The following MYOC variants were observed in gnomAD, a reference collection of about 807,000 sequenced individuals.
MYOC encodes the protein myocilin.
MYOC carries 29 observed loss-of-function variants against 28.2 expected under a neutral mutation model. The observed-to-expected ratio is 1.03, with a 90% CI of 0.77 to 1.40. The LOEUF is 1.40. Ranked by LOEUF, MYOC falls within the 40% of genes most tolerant of loss-of-function variation. The pLI is 0.00. For synonymous variants in MYOC, 240 were observed against 245.6 expected, an observed-to-expected ratio of 0.98 and a Z score of 0.21; for missense variants, 569 against 620.6, an observed-to-expected ratio of 0.92 and a Z score of 0.88.
rs199746824 is a variant in MYOC, at chr1:171,652,139, C to G, written c.473G>C (p.Arg158Pro). 1 of 1,614,152 alleles carries G rather than the reference C, an allele frequency of 6.2e-7. No homozygotes were observed. Among genetic ancestry groups the G allele is most frequent in the Admixed American group, 1.7e-5 (1 of 60,020 alleles). The change falls in exon 1 of 3, where the codon CGA (arginine) becomes CCA (proline). Residue 158 changes from arginine (R) to proline (P), a missense_variant. Transcript: ENST00000037502. ...DKSVLEEEKK[R>P]LRQENENLAR... ...CAGATTCTCATTTTCTTGCCTTAGT[C>G]GCTTCTTCTCTTCCTCCAGAACTGA...
At chr1:171,642,433 C>T (rs989235238) in intron 1 of MYOC, among the ~76,000 whole-genome samples, 1 of 151,914 alleles carries the variant, frequency 6.6e-6, no homozygotes, top group East Asian at 1.9e-4. Context: ...GGCAACATAG[C>T]GAGACCCCAT....
In MYOC at chr1:171,652,435, G is replaced by A; in HGVS notation, c.177C>T (p.Ser59=). 1.2e-6 allele frequency: 2 copies of A among 1,614,196 alleles called. No homozygotes were observed. The highest frequency in any genetic ancestry group is 1.7e-6 in the Non-Finnish European group (2 of 1,180,042). ...YTFSVASPNE[S]SCPEQSQAMS... Reference sequence around the variant, plus strand: ...TGGCCTGGCTCTGCTCTGGGCAGCTGGATTCATTGGGACTGGCCACACTGA... The same window carrying A: ...TGGCCTGGCTCTGCTCTGGGCAGCTAGATTCATTGGGACTGGCCACACTGA... The change falls in exon 1 of 3, where the codon TCC becomes TCT. Residue 59 remains serine (S), a synonymous_variant. Coordinates refer to ENST00000037502, the MANE Select transcript of MYOC (RefSeq NM_000261.2).
chr1:171,650,617 G>A (rs1336368269), intron 1 of MYOC, among the ~76,000 whole-genome samples: 2 of 152,228 alleles, frequency 1.3e-5, no homozygotes, highest in Admixed American at 6.5e-5. Context: ...TGGCTCTTAG[G>A]TTTTCTAACC....
intron 1 of MYOC, among the ~76,000 whole-genome samples, chr1:171,641,997 G>A (rs1212304233): frequency 6.6e-6 from 1 of 152,198 alleles, no homozygotes; most frequent in Middle Eastern, 3.2e-3. Flanking sequence ...CCAGAGTCAG[G>A]GTACCTTGTT....
At chr1:171,651,348 C>A (rs2901558) in intron 1 of MYOC, among the ~76,000 whole-genome samples, 93,024 of 146,056 alleles carry the variant, frequency 0.64, 31,307 homozygotes, top group African/African-American at 0.85. Flanking sequence ...CCCGCACCCC[C>A]CCCACACACA....
chr1:171,635,964 C>G lies in MYOC; in HGVS notation c.1476G>C (p.Leu492Phe). Residue 492 changes from leucine to phenylalanine, a missense_variant, in exon 3 of 3, where the codon TTG (leucine) becomes TTC (phenylalanine). Coordinates refer to ENST00000037502, the MANE Select transcript of MYOC (RefSeq NM_000261.2). The stretch of plus-strand genomic sequence containing the variant: ...GCTTGATGTCATAAGTGACCATGTT[C>G]AAGTTGTCCCAGGCAAAGAGCTTCT... ...LEKKLFAWDN[L>F]NMVTYDIKLS... 1 of 1,614,158 alleles carries G rather than the reference C, an allele frequency of 6.2e-7. No homozygotes were observed. Among genetic ancestry groups the G allele is most frequent in the Non-Finnish European group, 8.5e-7 (1 of 1,180,024 alleles).
intron 1 of MYOC, among the ~76,000 whole-genome samples, chr1:171,642,281 A>G (rs1178538414): frequency 1.3e-5 from 2 of 152,150 alleles, no homozygotes; most frequent in Non-Finnish European, 2.9e-5. Flanking sequence ...CATCCCTGGG[A>G]TATCCCTCAG....
chr1:171,638,352 C>A (rs1438584559), intron 2 of MYOC, among the ~76,000 whole-genome samples: 3 of 152,114 alleles, frequency 2.0e-5, no homozygotes, highest in African/African-American at 7.2e-5. Context: ...CCAGCCCAGC[C>A]TCCCAAGTGT....
rs1225978246 is a variant in MYOC at position 171,652,355 on chromosome 1, T to C, written c.257A>G (p.Glu86Gly). The C allele has an allele frequency of 6.2e-7, 1 of 1,611,254 alleles. No individual in the cohort carries two copies. The highest frequency in any genetic ancestry group is 1.1e-5 in the South Asian group (1 of 90,972). Reference protein sequence around the residue: ...RDSSTQRLDLEATKARLSSLE... With the variant: ...RDSSTQRLDLGATKARLSSLE... The stretch of plus-strand genomic sequence containing the variant: ...GGAGCTGAGTCGAGCTTTGGTGGCC[T>C]CCAGGTCTAAGCGTTGGGTGCTGCT... The change falls in exon 1 of 3, where the codon GAG becomes GGG. Residue 86 changes from glutamate to glycine, a missense_variant. Glu to Gly is a moderately conservative substitution (Grantham distance 98). Coordinates refer to ENST00000037502, the MANE Select transcript of MYOC (RefSeq NM_000261.2).
chr1:171,645,925 G>A (rs1199736137), intron 1 of MYOC, among the ~76,000 whole-genome samples: 2 of 152,236 alleles, frequency 1.3e-5, no homozygotes, highest in African/African-American at 4.8e-5. Context: ...CACTCCTTAT[G>A]TGCATTAGCT....
In MYOC at chr1:171,636,472, T is replaced by G; in HGVS notation, c.968A>C (p.Glu323Ala). The G allele has an allele frequency of 6.2e-7, 1 of 1,614,050 alleles. No individual in the cohort carries two copies. The highest frequency in any genetic ancestry group is 8.5e-7 in the Non-Finnish European group (1 of 1,179,976). The change falls in exon 3 of 3, where the codon GAA becomes GCA. Residue 323 changes from glutamate (E) to alanine (A), a missense_variant. Coordinates refer to ENST00000037502, the MANE Select transcript of MYOC (RefSeq NM_000261.2). ...CGAGTACACCACAGCACCCGTGCTT[T>G]CCAGTGGCCTAGGCAGTATGTGAAC... is the stretch of plus-strand genomic sequence containing the variant. Reference protein sequence around the residue: ...SKVHILPRPLESTGAVVYSGS... With the variant: ...SKVHILPRPLASTGAVVYSGS...
chr1:171,644,607 A>G (rs1422378212), intron 1 of MYOC, among the ~76,000 whole-genome samples: 1 of 144,402 alleles, frequency 6.9e-6, no homozygotes, highest in Non-Finnish European at 1.5e-5. Context: ...GTGAAACAAG[A>G]TGGTTTGTCG....
chr1:171,638,513 T>C, intron 2 of MYOC, 84 bp downstream of exon 2: 1 of 1,545,456 alleles, frequency 6.5e-7, no homozygotes, highest in Non-Finnish European at 8.9e-7. Flanking sequence ...GGTGGGCATT[T>C]ACCCTATACT....
In MYOC at chr1:171,635,504, A is replaced by G. The variant is rs1034366133; in HGVS notation, c.*421T>C. On this transcript the variant is annotated 3_prime_UTR_variant, in exon 3 of 3. Coordinates refer to ENST00000037502, the MANE Select transcript of MYOC (RefSeq NM_000261.2). ...TGAAGCATTAGAAGCCAACTGTAGT[A>G]AATGCATCTTACTTATATTCGATGC... 1.8e-5 allele frequency: 6 copies of G among 334,340 alleles called. No individual in the cohort carries two copies. Among genetic ancestry groups the G allele is most frequent in the Non-Finnish European group, 3.3e-5 (6 of 179,602 alleles). The allele number at this position is 334,340 out of a possible 1,614,324, so 20.7% of individuals were successfully genotyped here.
In MYOC at chr1:171,636,336, C is replaced by CTGTCCGT; in HGVS notation, c.1097_1103dup (p.Phe369ArgfsTer14). 6.2e-7 allele frequency: 1 copy of CTGTCCGT among 1,614,118 alleles called. No homozygotes were observed. The highest frequency in any genetic ancestry group is 1.3e-5 in the African/African-American group (1 of 75,004). ...TGTAGCCACCCCAAGAATACGGGAA[C>CTGTCCGT]TGTCCGTGGTAGCCAGCTCCAGGGA... On this transcript the variant is annotated frameshift_variant, in exon 3 of 3. Transcript: ENST00000037502. LOFTEE classifies it low-confidence loss of function (END_TRUNC).
chr1:171,642,434 G>A (rs190668790), intron 1 of MYOC, among the ~76,000 whole-genome samples: 8 of 152,090 alleles, frequency 5.3e-5, no homozygotes, highest in Non-Finnish European at 1.0e-4. Context: ...GCAACATAGC[G>A]AGACCCCATC....
At chr1:171,651,457 TTC>T (rs1216950853) in intron 1 of MYOC, among the ~76,000 whole-genome samples, 1 of 151,986 alleles carries the variant, frequency 6.6e-6, no homozygotes, top group Non-Finnish European at 1.5e-5. Context: ...AAAGCAGAGG[TTC>T]TCAGATTGGA....
intron 1 of MYOC, among the ~76,000 whole-genome samples, chr1:171,644,433 A>G (rs1011968675): frequency 6.6e-6 from 1 of 152,118 alleles, no homozygotes; most frequent in East Asian, 1.9e-4. Context: ...CCTACCAGTC[A>G]GTGGGGAGAA....
rs2102945665 is a variant in MYOC, at chr1:171,638,738, G to T, written c.605-16C>A. 6.2e-7 allele frequency: 1 copy of T among 1,613,640 alleles called. No individual in the cohort carries two copies. The highest frequency in any genetic ancestry group is 2.2e-5 in the East Asian group (1 of 44,878). ...CACGTAGAAACTGCATTAAAAGAAA[G>T]AGACAAAATTTTACTGTAAGAAAAA... On this transcript the variant is annotated splice_polypyrimidine_tract_variant and intron_variant, in intron 1 of 2. Coordinates refer to ENST00000037502, the MANE Select transcript of MYOC (RefSeq NM_000261.2).
Sources: gnomAD v4.1 joint callset for allele counts (sites outside exome capture counted in the v4.1 genomes callset) on GRCh38, gnomAD v4.1.1 for gene constraint, MANE v1.5 for transcripts, NCBI Gene and HGNC (gene_info 2026-07-23, HGNC 2026-07-21) for gene names.